MCU: variants seen among roughly 807,000 people sequenced by gnomAD.
The protein encoded by MCU is calcium uniporter protein, mitochondrial.
In MCU, 12 loss-of-function variants were observed where a neutral mutation model predicts 45.2. The ratio of observed to expected loss-of-function variants is 0.27; its 90% CI spans 0.17 to 0.43. The LOEUF (loss-of-function observed/expected upper bound fraction) is 0.43. Ranked by LOEUF, MCU falls within the 20% of genes least tolerant of loss-of-function variation. The pLI is 1.00. For missense variants in MCU, 324 were observed against 436.7 expected (o/e 0.74, Z 2.30); for synonymous variants, 160 against 165.1 (o/e 0.97, Z 0.24).
intron 1 of MCU, among the ~76,000 whole-genome samples, chr10:72,719,225 G>C (rs945605653): frequency 1.3e-5 from 2 of 152,204 alleles, no homozygotes; most frequent in African/African-American, 4.8e-5. Flanking sequence ...TTGAGCAAAT[G>C]AACCTTTTAT....
intron 6 of MCU, among the ~76,000 whole-genome samples, chr10:72,874,154 A>T (rs1372710050): frequency 6.6e-6 from 1 of 152,048 alleles, no homozygotes; most frequent in Non-Finnish European, 1.5e-5. Context: ...TGGTATTTTG[A>T]TAGGGAATGC....
chr10:72,830,031 A>G (rs898824213), intron 1 of MCU, among the ~76,000 whole-genome samples: 30 of 152,232 alleles, frequency 2.0e-4, no homozygotes, highest in African/African-American at 5.3e-4. Flanking sequence ...AAACTGTTCT[A>G]TAAGCAAGGA....
At chr10:72,868,613 TATA>T in intron 4 of MCU, 87 bp from the exon 5 acceptor site, 1 of 1,172,156 alleles carries the variant, frequency 8.5e-7, no homozygotes, top group Non-Finnish European at 1.2e-6. Flanking sequence ...GTGAGATACC[TATA>T]ATGGATGAAT....
chr10:72,787,328 G>C (rs1022902237), intron 1 of MCU, among the ~76,000 whole-genome samples: 33 of 152,316 alleles, frequency 2.2e-4, no homozygotes, highest in African/African-American at 7.9e-4. Context: ...GAGTGGAGTG[G>C]CGCAATCCCA....
At chr10:72,874,549 G>A (rs747375990) in intron 6 of MCU, among the ~76,000 whole-genome samples, 2 of 152,188 alleles carry the variant, frequency 1.3e-5, no homozygotes, top group Non-Finnish European at 2.9e-5. Context: ...TTGGGGAAAT[G>A]ATAGCACAAG....
At chr10:72,759,613 G>T (rs1380978476) in intron 1 of MCU, among the ~76,000 whole-genome samples, 5 of 152,064 alleles carry the variant, frequency 3.3e-5, no homozygotes, top group Admixed American at 2.6e-4. Context: ...AAAACTCTCA[G>T]TACAAAAATA....
intron 1 of MCU, among the ~76,000 whole-genome samples, chr10:72,714,396 A>G (rs1589428800): frequency 9.6e-6 from 1 of 104,466 alleles, no homozygotes; most frequent in African/African-American, 3.9e-5. Flanking sequence ...CTTGTTGCCC[A>G]GGCCCAGGCT....
At chr10:72,785,297 T>C (rs1248841282) in intron 1 of MCU, among the ~76,000 whole-genome samples, 1 of 152,224 alleles carries the variant, frequency 6.6e-6, no homozygotes, top group Non-Finnish European at 1.5e-5. Flanking sequence ...TCTCTTTCCC[T>C]GCTTCTGTTG....
chr10:72,733,698 TATA>T (rs1394604783), intron 1 of MCU, among the ~76,000 whole-genome samples: 268 of 140,030 alleles, frequency 1.9e-3, no homozygotes, highest in African/African-American at 5.5e-3. Context: ...TATATATATA[TATA>T]TATTTTTTTA....
intron 1 of MCU, among the ~76,000 whole-genome samples, chr10:72,780,584 CTG>C (rs979620834): frequency 8.9e-6 from 1 of 111,866 alleles, no homozygotes; most frequent in African/African-American, 3.1e-5. Context: ...AGAGAGATAA[CTG>C]TTGTCATCAT....
chr10:72,740,634 T>G (rs1027825845), intron 1 of MCU, among the ~76,000 whole-genome samples: 3 of 152,270 alleles, frequency 2.0e-5, no homozygotes, highest in African/African-American at 7.2e-5. Context: ...ATTTATATTT[T>G]GCATGTTTGT....
chr10:72,733,293 C>G (rs1335345892), intron 1 of MCU, among the ~76,000 whole-genome samples: 1 of 152,130 alleles, frequency 6.6e-6, no homozygotes, highest in South Asian at 2.1e-4. Context: ...CCCATCTCTA[C>G]TAAAGATACA....
At chr10:72,806,281 C>T (rs1844447794) in intron 1 of MCU, among the ~76,000 whole-genome samples, 1 of 151,886 alleles carries the variant, frequency 6.6e-6, no homozygotes, top group Non-Finnish European at 1.5e-5. Flanking sequence ...CCTCATCCTC[C>T]CAAGTAGCTG....
chr10:72,693,195 TGTGTGAGA>T, intron 1 of MCU: 3 of 910,048 alleles, frequency 3.3e-6, no homozygotes, highest in Admixed American at 2.1e-5. Context: ...TGTGTGTGTG[TGTGTGAGA>T]GAGAGAGAGA....
chr10:72,863,008 A>G (rs1845402469), intron 4 of MCU, among the ~76,000 whole-genome samples: 1 of 151,592 alleles, frequency 6.6e-6, no homozygotes, highest in Non-Finnish European at 1.5e-5. Context: ...GTCCCCATCT[A>G]CCTTTTAAAA....
chr10:72,719,473 T>A (rs1842993119), intron 1 of MCU, among the ~76,000 whole-genome samples: 1 of 152,210 alleles, frequency 6.6e-6, no homozygotes. Context: ...TAAAGAATGA[T>A]CGGTCAAATA....
chr10:72,820,025 A>G (rs1290620925), intron 1 of MCU, among the ~76,000 whole-genome samples: 5 of 152,144 alleles, frequency 3.3e-5, no homozygotes, highest in African/African-American at 1.2e-4. Flanking sequence ...TTATTCTGTG[A>G]ACATGAGTGG....
chr10:72,776,124 C>T (rs1002160900), intron 1 of MCU, among the ~76,000 whole-genome samples: 4 of 151,562 alleles, frequency 2.6e-5, no homozygotes, highest in Admixed American at 2.6e-4. Context: ...GCTATCATTG[C>T]ACTACTGCAC....
chr10:72,856,749 C>T (rs898225477), intron 2 of MCU, among the ~76,000 whole-genome samples: 37 of 123,198 alleles, frequency 3.0e-4, no homozygotes, highest in Admixed American at 1.6e-3. Flanking sequence ...GCCTGGGCAA[C>T]GTGGTGAAAC....
Sources: gnomAD v4.1 joint callset for allele counts (sites outside exome capture counted in the v4.1 genomes callset) on GRCh38, gnomAD v4.1.1 for gene constraint, MANE v1.5 for transcripts, NCBI Gene and HGNC (gene_info 2026-07-23, HGNC 2026-07-21) for gene names.